The following ARL15 variants were observed in gnomAD, a reference collection of about 807,000 sequenced individuals.
The protein encoded by ARL15 is ADP-ribosylation factor-like protein 15.
A neutral mutation model predicts 25.2 loss-of-function variants in ARL15; 19 were observed. The observed-to-expected ratio is 0.75, with a 90% CI of 0.53 to 1.10. ARL15 has a LOEUF of 1.10. ARL15 is among the 50% of genes least tolerant of loss of function. The probability of loss-of-function intolerance (pLI) is 0.00; values close to 1 mark genes in which losing one functional copy is unlikely to be tolerated. For missense variants in ARL15, 220 were observed against 246.0 expected (o/e 0.89, Z 0.71); for synonymous variants, 94 against 86.8 (o/e 1.08, Z -0.46).
chr5:54,135,260 C>T (rs1753566645), intron 3 of ARL15, among the ~76,000 whole-genome samples: 1 of 152,060 alleles, frequency 6.6e-6, no homozygotes, highest in African/African-American at 2.4e-5. Context: ...TGCTATGATT[C>T]GTGTTGTTGG....
intron 4 of ARL15, among the ~76,000 whole-genome samples, chr5:54,105,612 G>A (rs1001321916): frequency 2.3e-4 from 35 of 151,822 alleles, no homozygotes; most frequent in African/African-American, 5.8e-4. Flanking sequence ...AGACAGAGCC[G>A]CACTCTGTCA....
At chr5:53,954,068 C>T (rs1329395486) in intron 4 of ARL15, among the ~76,000 whole-genome samples, 1 of 149,534 alleles carries the variant, frequency 6.7e-6, no homozygotes, top group Non-Finnish European at 1.5e-5. Flanking sequence ...TTCTCTGTTC[C>T]ATACAAGCTA....
At chr5:54,034,641 T>C (rs1411193567) in intron 4 of ARL15, among the ~76,000 whole-genome samples, 1 of 151,894 alleles carries the variant, frequency 6.6e-6, no homozygotes, top group Non-Finnish European at 1.5e-5. Flanking sequence ...CATCAACTAA[T>C]AAAGAAATAC....
intron 4 of ARL15, among the ~76,000 whole-genome samples, chr5:54,014,259 A>G (rs971220236): frequency 1.3e-5 from 2 of 152,104 alleles, no homozygotes; most frequent in African/African-American, 2.4e-5. Context: ...AGACACTGGA[A>G]GAGATTTTTT....
intron 4 of ARL15, among the ~76,000 whole-genome samples, chr5:54,023,839 C>A (rs1391136191): frequency 6.6e-6 from 1 of 152,186 alleles, no homozygotes; most frequent in East Asian, 1.9e-4. Flanking sequence ...TGAAGTCTGT[C>A]AACACACCTG....
chr5:54,113,338 C>T lies in ARL15; in HGVS notation c.326G>A (p.Ser109Asn). The T allele has an allele frequency of 1.9e-6, 3 of 1,613,982 alleles. No homozygotes were observed. The highest frequency in any genetic ancestry group is 2.5e-6 in the Non-Finnish European group (3 of 1,179,862). ...GSQGVIFVLD[S>N]ASSEDDLEAA... Reference sequence around the variant, plus strand: ...TTCTAAATCATCCTCTGAAGAGGCACTGTCTAATACAAATATTACCCCTTG... The same window carrying T: ...TTCTAAATCATCCTCTGAAGAGGCATTGTCTAATACAAATATTACCCCTTG... The change falls in exon 4 of 5, where the codon AGT becomes AAT. Residue 109 changes from serine (S) to asparagine (N), a missense_variant. By Grantham distance (46) the Ser-to-Asn change is conservative. Coordinates refer to ENST00000504924, the MANE Select transcript of ARL15 (RefSeq NM_019087.3).
At chr5:53,939,381 C>T (rs955016092) in intron 4 of ARL15, among the ~76,000 whole-genome samples, 3 of 152,152 alleles carry the variant, frequency 2.0e-5, no homozygotes, top group Non-Finnish European at 4.4e-5. Flanking sequence ...AAATTCTTCT[C>T]TTCACAAATT....
intron 4 of ARL15, among the ~76,000 whole-genome samples, chr5:53,887,180 A>C (rs984336398): frequency 6.6e-6 from 1 of 152,204 alleles, no homozygotes; most frequent in Non-Finnish European, 1.5e-5. Flanking sequence ...AGCACATAAC[A>C]CAACAAAAAT....
At chr5:53,912,323 G>T (rs1230745387) in intron 4 of ARL15, among the ~76,000 whole-genome samples, 1 of 152,162 alleles carries the variant, frequency 6.6e-6, no homozygotes, top group Non-Finnish European at 1.5e-5. Context: ...GTGGAAATAT[G>T]CTGCTTGTTA....
At chr5:54,069,791 C>T (rs550098387) in intron 4 of ARL15, among the ~76,000 whole-genome samples, 5 of 151,684 alleles carry the variant, frequency 3.3e-5, no homozygotes, top group East Asian at 4.0e-4. Flanking sequence ...CTCCTGCCTC[C>T]GTCTCCCGAG....
At chr5:53,977,146 CAGG>C (rs1209232588) in intron 4 of ARL15, among the ~76,000 whole-genome samples, 1 of 152,056 alleles carries the variant, frequency 6.6e-6, no homozygotes. Flanking sequence ...ATCACAAGGT[CAGG>C]AGATCAAGAC....
In ARL15 at chr5:54,221,729, T is replaced by C. The variant is rs549401971; in HGVS notation, c.49-49801A>G. ...CTAGATATAAACAAGCCACATTTAA[T>C]AAGGATAAATAAAATCTCTGTCAAG... On this transcript the variant is annotated intron_variant, in intron 1 of 4. Coordinates refer to ENST00000504924, the MANE Select transcript of ARL15 (RefSeq NM_019087.3). 5.5e-4 allele frequency among the ~76,000 whole-genome samples: 84 copies of C among 151,936 alleles called. 1 individual carries two copies. The highest frequency in any genetic ancestry group is 1.9e-3 in the African/African-American group (79 of 41,442).
chr5:54,202,889 T>C (rs956422581), intron 1 of ARL15, among the ~76,000 whole-genome samples: 2 of 152,114 alleles, frequency 1.3e-5, no homozygotes, highest in African/African-American at 4.8e-5. Flanking sequence ...AAAGTCTTCA[T>C]AGATTTCTGA....
intron 4 of ARL15, among the ~76,000 whole-genome samples, chr5:53,949,698 A>C (rs1352784987): frequency 6.6e-6 from 1 of 152,218 alleles, no homozygotes; most frequent in Non-Finnish European, 1.5e-5. Context: ...TACAAGAGTT[A>C]ACCTCTTATA....
At chr5:54,221,179 T>G (rs1756364554) in intron 1 of ARL15, among the ~76,000 whole-genome samples, 1 of 152,234 alleles carries the variant, frequency 6.6e-6, no homozygotes, top group South Asian at 2.1e-4. Flanking sequence ...AACAACTTTC[T>G]TGTATGTTAG....
At chr5:54,109,763 G>T (rs1035951785) in intron 4 of ARL15, among the ~76,000 whole-genome samples, 4 of 151,848 alleles carry the variant, frequency 2.6e-5, no homozygotes, top group African/African-American at 9.7e-5. Flanking sequence ...TGGGCCACTT[G>T]ACATAATAAT....
intron 1 of ARL15, among the ~76,000 whole-genome samples, chr5:54,218,334 CGAG>C (rs1756274703): frequency 6.6e-6 from 1 of 152,068 alleles, no homozygotes; most frequent in Non-Finnish European, 1.5e-5. Flanking sequence ...AACATCCAGC[CGAG>C]AAGACGGCTA....
chr5:53,995,910 G>T (rs1467124087), intron 4 of ARL15, among the ~76,000 whole-genome samples: 1 of 152,154 alleles, frequency 6.6e-6, no homozygotes, highest in African/African-American at 2.4e-5. Context: ...AACAAAAACA[G>T]AATAAGGGTG....
chr5:54,107,134 G>A (rs1054909537), intron 4 of ARL15, among the ~76,000 whole-genome samples: 11 of 152,034 alleles, frequency 7.2e-5, no homozygotes, highest in African/African-American at 2.7e-4. Context: ...ATGAAGAAGG[G>A]GCTAAAGCGG....
Sources: allele counts gnomAD v4.1 joint callset (sites outside exome capture counted in the v4.1 genomes callset), GRCh38; gene constraint gnomAD v4.1.1; transcripts MANE v1.5; gene names NCBI Gene and HGNC (gene_info 2026-07-23, HGNC 2026-07-21).